Variants in P4HA3 observed in about 807,000 individuals in gnomAD.
The protein encoded by P4HA3 is prolyl 4-hydroxylase subunit alpha-3.
In P4HA3, 60 loss-of-function variants were observed where a neutral mutation model predicts 66.7. The observed-to-expected ratio is 0.90, with a 90% CI of 0.73 to 1.12. The LOEUF is 1.12. P4HA3 is among the 50% of genes most tolerant of loss of function. The probability of loss-of-function intolerance (pLI) is 0.00; values close to 1 mark genes in which losing one functional copy is unlikely to be tolerated. For synonymous variants in P4HA3, 263 were observed against 274.6 expected, an observed-to-expected ratio of 0.96 and a Z score of 0.42; for missense variants, 683 against 685.8, an observed-to-expected ratio of 1.00 and a Z score of 0.05.
intron 15 of P4HA3, among the ~76,000 whole-genome samples, chr11:74,252,251 G>GTTTTT (rs1249533305): frequency 6.7e-4 from 79 of 118,460 alleles, no homozygotes; most frequent in African/African-American, 2.3e-3. Flanking sequence ...TTTTTTTTTT[G>GTTTTT]TTTTTTTTTT....
downstream of P4HA3, among the ~76,000 whole-genome samples, chr11:74,266,095 G>A (rs780125142): frequency 9.9e-5 from 15 of 152,160 alleles, no homozygotes; most frequent in African/African-American, 2.4e-5. Flanking sequence ...GATGACAAAT[G>A]TCAAGGCCTG....
chr11:74,273,568 G>T lies in P4HA3; in HGVS notation c.1375C>A (p.Arg459=), dbSNP rs748910505. ...SPLYRMKSGN[R]VATFMIYLSS... ...ACATAGATCATAAATGTTGCAACTC[G>T]GTTTCCTGACTTCATTCTGTAGAGG... Residue 459 remains arginine, a synonymous_variant, in exon 10 of 13, where the codon CGA becomes AGA. Coordinates refer to ENST00000331597, the MANE Select transcript of P4HA3 (RefSeq NM_182904.5). The T allele has an allele frequency of 4.5e-6, 7 of 1,560,862 alleles. No individual in the cohort carries two copies. In the Middle Eastern group the frequency reaches 1.0e-3, roughly 227 times the overall value.
chr11:74,263,743 A>G (rs1859946553), downstream of P4HA3, among the ~76,000 whole-genome samples: 3 of 152,296 alleles, frequency 2.0e-5, no homozygotes, highest in African/African-American at 7.2e-5. Context: ...ATTATCTGGA[A>G]TGAGGCTTGC....
chr11:74,251,224 C>T, intron 15 of P4HA3: 1 of 1,406,732 alleles, frequency 7.1e-7, no homozygotes, highest in Non-Finnish European at 9.2e-7. Flanking sequence ...GAGCTACTGA[C>T]ACTCTGCTAT....
Position 74,285,925 on chromosome 11 carries a change from G to A in P4HA3, c.994C>T (p.Leu332=), listed in dbSNP as rs756302366. ...CSYETNSNAY[L]LLQPIRKEVI... ...TCCTTCCGGATGGGCTGGAGCAGCA[G>A]GTAGGCGTTGGAATTGGTCTCATAG... The change falls in exon 7 of 13, where the codon CTG becomes TTG. Residue 332 remains leucine, a synonymous_variant. Transcript: ENST00000331597. 3 of 1,611,794 alleles carry A rather than the reference G, an allele frequency of 1.9e-6. No homozygotes were observed. The highest frequency in any genetic ancestry group is 2.5e-6 in the Non-Finnish European group (3 of 1,177,922).
intron 4 of P4HA3, among the ~76,000 whole-genome samples, chr11:74,297,190 G>A (rs1345481083): frequency 3.9e-5 from 6 of 152,074 alleles, no homozygotes; most frequent in African/African-American, 1.4e-4. Context: ...CTGACCTCAG[G>A]TGATCTGCCC....
intron 15 of P4HA3, chr11:74,254,237 G>T (rs1859778545): frequency 6.5e-6 from 1 of 153,202 alleles, no homozygotes. Context: ...ACCTGCCACA[G>T]AGCAACCCAG....
chr11:74,296,792 G>A (rs1002225942), intron 4 of P4HA3, among the ~76,000 whole-genome samples: 2 of 152,062 alleles, frequency 1.3e-5, no homozygotes, highest in Non-Finnish European at 2.9e-5. Flanking sequence ...TTTCCATGTC[G>A]AATCTCCATT....
intron 4 of P4HA3, among the ~76,000 whole-genome samples, chr11:74,294,158 T>G (rs1861132870): frequency 6.6e-6 from 1 of 152,216 alleles, no homozygotes; most frequent in Non-Finnish European, 1.5e-5. Flanking sequence ...TTTTATTCTT[T>G]TTTCTCTAAA....
chr11:74,279,007 C>A (rs76980622), intron 8 of P4HA3, among the ~76,000 whole-genome samples: 1 of 152,132 alleles, frequency 6.6e-6, no homozygotes, highest in African/African-American at 2.4e-5. Context: ...TGGTCTCATT[C>A]TTGGCAAGTC....
chr11:74,265,174 T>A (rs1172236822), downstream of P4HA3, among the ~76,000 whole-genome samples: 1 of 152,210 alleles, frequency 6.6e-6, no homozygotes, highest in Admixed American at 6.5e-5. Flanking sequence ...GTCCAGGTTC[T>A]GTGAAGAAAA....
At chr11:74,278,260 G>C (rs1860469809) in intron 8 of P4HA3, among the ~76,000 whole-genome samples, 1 of 152,178 alleles carries the variant, frequency 6.6e-6, no homozygotes, top group Non-Finnish European at 1.5e-5. Flanking sequence ...AACAGCATAA[G>C]CACAGACATG....
At chr11:74,256,786 G>A (rs867653127) in intron 15 of P4HA3, among the ~76,000 whole-genome samples, 8 of 152,222 alleles carry the variant, frequency 5.3e-5, no homozygotes, top group African/African-American at 1.9e-4. Context: ...AAAAAGGAAG[G>A]TAGGCACATT....
chr11:74,282,327 T>A (rs970802071), intron 7 of P4HA3, among the ~76,000 whole-genome samples: 3 of 152,136 alleles, frequency 2.0e-5, no homozygotes, highest in African/African-American at 7.2e-5. Flanking sequence ...CCAGACAATG[T>A]CCCTGCCCCT....
intron 11 of P4HA3, 146 bp downstream of exon 11, chr11:74,269,506 G>T: frequency 1.3e-6 from 1 of 747,784 alleles, no homozygotes; most frequent in Non-Finnish European, 2.1e-6. Context: ...GAAGACTATG[G>T]GATGATCTGT....
chr11:74,273,244 T>C (rs546730410), intron 10 of P4HA3, among the ~76,000 whole-genome samples: 1 of 152,290 alleles, frequency 6.6e-6, no homozygotes, highest in Non-Finnish European at 1.5e-5. Context: ...TCCTGTGTTG[T>C]TCAAGTCCCT....
intron 14 of P4HA3, among the ~76,000 whole-genome samples, chr11:74,260,378 C>T (rs1044039308): frequency 5.9e-5 from 9 of 152,190 alleles, no homozygotes; most frequent in Non-Finnish European, 1.0e-4. Context: ...AGCCCGCTGA[C>T]AATTCCTGTT....
At chr11:74,302,312 T>TA (rs1326058647) in intron 3 of P4HA3, 57 bp downstream of exon 3, 2 of 1,438,214 alleles carry the variant, frequency 1.4e-6, no homozygotes, top group African/African-American at 1.4e-5. Flanking sequence ...GGTACATAGT[T>TA]ATTTTATCCA....
rs984300449 is a variant in P4HA3, at chr11:74,267,330, C to T, written c.1565-12G>A. The T allele has an allele frequency of 6.2e-7, 1 of 1,613,732 alleles. No individual in the cohort carries two copies. Among genetic ancestry groups the T allele is most frequent in the Admixed American group, 1.7e-5 (1 of 60,000 alleles). On this transcript the variant is annotated splice_polypyrimidine_tract_variant and intron_variant, in intron 12 of 12. Transcript: ENST00000331597. ...CCACTTGTTGGCCACTGGGAGAGAA[C>T]AGGGAAGAAGGAGACAGCAGGCTCA...
Sources: allele counts gnomAD v4.1 joint callset (sites outside exome capture counted in the v4.1 genomes callset), GRCh38; gene constraint gnomAD v4.1.1; transcripts MANE v1.5; gene names NCBI Gene and HGNC (gene_info 2026-07-23, HGNC 2026-07-21).